Variants in GABRB2 observed in about 807,000 individuals in gnomAD.
GABRB2 encodes gamma-aminobutyric acid type A receptor subunit beta2.
Under a neutral mutation model 54.7 loss-of-function variants are expected in GABRB2, and 16 were observed. That is an observed-to-expected ratio of 0.29 (90% CI 0.20 to 0.44). The LOEUF (loss-of-function observed/expected upper bound fraction) is 0.44. Ranked by LOEUF, GABRB2 falls within the 20% of genes least tolerant of loss-of-function variation. The pLI, the probability that GABRB2 is intolerant of heterozygous loss-of-function variation, is 1.00. For missense variants in GABRB2, 355 were observed against 644.0 expected (o/e 0.55, Z 4.86); for synonymous variants, 244 against 233.8 (o/e 1.04, Z -0.40).
intron 5 of GABRB2, among the ~76,000 whole-genome samples, chr5:161,379,333 C>T (rs1755398103): frequency 2.0e-5 from 3 of 152,134 alleles, no homozygotes; most frequent in Admixed American, 1.3e-4. Flanking sequence ...GATGCAAACA[C>T]ACCTCCTTAA....
chr5:161,459,837 G>A lies in GABRB2; in HGVS notation c.245C>T (p.Thr82Ile). ...DMVSEVNMDY[T>I]LTMYFQQAWR... ...GGCTTGTTGAAAGTACATTGTCAAG[G>A]TATAATCCTGTAAATGTGAGAAAAA... The change falls in exon 4 of 10, where the codon ACC (threonine) becomes ATC (isoleucine). Residue 82 changes from threonine to isoleucine, a missense_variant. Thr to Ile is a moderately conservative substitution (Grantham distance 89, BLOSUM62 -1). Transcript: ENST00000393959. The A allele has an allele frequency of 6.2e-7, 1 of 1,602,332 alleles. No homozygotes were observed. Among genetic ancestry groups the A allele is most frequent in the African/African-American group, 1.3e-5 (1 of 74,652 alleles).
chr5:161,528,882 T>C (rs970417619), intron 3 of GABRB2, among the ~76,000 whole-genome samples: 2 of 151,928 alleles, frequency 1.3e-5, no homozygotes, highest in Non-Finnish European at 2.9e-5. Flanking sequence ...GTCTTTGAAT[T>C]GATCTTGAAA....
At chr5:161,430,154 G>C (rs995886516) in intron 4 of GABRB2, among the ~76,000 whole-genome samples, 2 of 151,732 alleles carry the variant, frequency 1.3e-5, no homozygotes, top group Admixed American at 1.3e-4. Flanking sequence ...AATTGAAACA[G>C]AGAGTTAGCT....
At chr5:161,432,283 A>C (rs758151893) in intron 4 of GABRB2, among the ~76,000 whole-genome samples, 1 of 152,224 alleles carries the variant, frequency 6.6e-6, no homozygotes, top group Non-Finnish European at 1.5e-5. Flanking sequence ...CCAAGGGCAG[A>C]ATCCTAACAA....
At chr5:161,516,417 A>ACTCAGGATGGGTGAG (rs1759950353) in intron 3 of GABRB2, among the ~76,000 whole-genome samples, 1 of 152,162 alleles carries the variant, frequency 6.6e-6, no homozygotes, top group Non-Finnish European at 1.5e-5. Flanking sequence ...GGATGGGTGA[A>ACTCAGGATGGGTGAG]TGAGTGCCTA....
intron 5 of GABRB2, among the ~76,000 whole-genome samples, chr5:161,409,607 C>T (rs532816976): frequency 6.6e-6 from 1 of 152,180 alleles, no homozygotes; most frequent in African/African-American, 2.4e-5. Context: ...TTCTCTCTGG[C>T]AGCATATATA....
chr5:161,349,635 T>C (rs1401495702), intron 5 of GABRB2, among the ~76,000 whole-genome samples: 1 of 152,124 alleles, frequency 6.6e-6, no homozygotes, highest in Non-Finnish European at 1.5e-5. Context: ...TGCAGCCTTT[T>C]TCTCTCATTC....
intron 5 of GABRB2, among the ~76,000 whole-genome samples, chr5:161,349,124 A>G (rs1368161404): frequency 1.3e-5 from 2 of 152,100 alleles, no homozygotes; most frequent in Non-Finnish European, 2.9e-5. Context: ...TTTCATCTCA[A>G]AAAACAGTTA....
intron 5 of GABRB2, among the ~76,000 whole-genome samples, chr5:161,374,225 T>C (rs1210581467): frequency 6.6e-6 from 1 of 152,232 alleles, no homozygotes; most frequent in Non-Finnish European, 1.5e-5. Context: ...ATTACAGGCA[T>C]GAGCCACCAC....
intron 4 of GABRB2, among the ~76,000 whole-genome samples, chr5:161,451,690 A>G (rs938337166): frequency 2.6e-5 from 4 of 152,174 alleles, no homozygotes; most frequent in Admixed American, 2.6e-4. Context: ...CCTATCATGG[A>G]TGAAGAATGA....
At chr5:161,342,359 C>CTATT (rs769157774) in intron 5 of GABRB2, among the ~76,000 whole-genome samples, 1 of 151,886 alleles carries the variant, frequency 6.6e-6, no homozygotes, top group Non-Finnish European at 1.5e-5. Flanking sequence ...TGTATAGTTA[C>CTATT]TATTATTAGT....
intron 3 of GABRB2, among the ~76,000 whole-genome samples, chr5:161,482,268 G>T (rs1711789724): frequency 6.6e-6 from 1 of 152,012 alleles, no homozygotes; most frequent in Admixed American, 6.6e-5. Context: ...CTACAAAGGA[G>T]ACCTACAAAA....
At chr5:161,483,059 G>T (rs1417587563) in intron 3 of GABRB2, among the ~76,000 whole-genome samples, 1 of 151,948 alleles carries the variant, frequency 6.6e-6, no homozygotes, top group Non-Finnish European at 1.5e-5. Context: ...TAATTTAATG[G>T]CTACCAATAA....
rs181016900 is a variant in GABRB2 at position 161,414,370 on chromosome 5, T to G, written c.459-3313A>C. ...TCATAAACTGTTATGCAACTTTTTT[T>G]ATAGTTATTACTACCTGCTAACGTG... On this transcript the variant is annotated intron_variant, in intron 4 of 9. Coordinates refer to ENST00000393959, the MANE Select transcript of GABRB2 (RefSeq NM_001371727.1). Among the ~76,000 whole-genome samples, 298 of 152,342 alleles carry G rather than the reference T, an allele frequency of 2.0e-3. 1 individual carries two copies. Among genetic ancestry groups the G allele is most frequent in the Non-Finnish European group, 3.2e-3 (218 of 68,034 alleles).
chr5:161,525,466 A>G (rs547919107), intron 3 of GABRB2, among the ~76,000 whole-genome samples: 8 of 151,280 alleles, frequency 5.3e-5, no homozygotes, highest in African/African-American at 1.2e-4. Flanking sequence ...TTTTCTCTGT[A>G]TTTTTTACAA....
At position 161,436,531 on chromosome 5, in the gene GABRB2, GA is replaced by G. The variant is rs35559735; in HGVS notation, c.458+23092del. On this transcript the variant is annotated intron_variant, in intron 4 of 9. Coordinates refer to ENST00000393959, the MANE Select transcript of GABRB2 (RefSeq NM_001371727.1). ...CTGGGTGACAGAGCAAGACGCTGTCGAAAAAAAAAAAAAAGAGAGAGAATGA... is the reference window on the plus strand; with the variant it reads ...CTGGGTGACAGAGCAAGACGCTGTCGAAAAAAAAAAAAAGAGAGAGAATGA... Among the ~76,000 whole-genome samples, 318 of 124,390 alleles carry G rather than the reference GA, an allele frequency of 2.6e-3. 2 individuals are homozygous for G. The highest frequency in any genetic ancestry group is 5.8e-3 in the South Asian group (22 of 3,808). 81.6% of individuals were successfully genotyped at this position (124,390 alleles called of 152,430 possible). A position where few individuals can be genotyped will look rare whatever the true frequency, so the allele number is the denominator to read the frequency against.
At chr5:161,389,423 A>C (rs1755748794) in intron 5 of GABRB2, among the ~76,000 whole-genome samples, 1 of 152,098 alleles carries the variant, frequency 6.6e-6, no homozygotes, top group Non-Finnish European at 1.5e-5. Flanking sequence ...GTACTGAAGC[A>C]TAAGCAATTT....
rs1394904437 is a variant in GABRB2 at position 161,350,187 on chromosome 5, T to G, written c.542-13418A>C. On this transcript the variant is annotated intron_variant, in intron 5 of 9. Coordinates refer to ENST00000393959, the MANE Select transcript of GABRB2 (RefSeq NM_001371727.1). Reference sequence around the variant, plus strand: ...TCCACTCTTGTCCCTTCTATTCAACTGGAAGTCATAGAGCAATTAGGCAAG... The same window carrying G: ...TCCACTCTTGTCCCTTCTATTCAACGGGAAGTCATAGAGCAATTAGGCAAG... Among the ~76,000 whole-genome samples the G allele has an allele frequency of 3.3e-5, 5 of 152,058 alleles. No homozygotes were observed. The East Asian group carries it at 9.7e-4, about 29-fold the overall frequency.
chr5:161,454,629 T>C (rs1409960603), intron 4 of GABRB2, among the ~76,000 whole-genome samples: 1 of 152,192 alleles, frequency 6.6e-6, no homozygotes. Context: ...ACTGTGCTAC[T>C]CCAACTATAT....
Sources: gnomAD v4.1 joint callset for allele counts (sites outside exome capture counted in the v4.1 genomes callset) on GRCh38, gnomAD v4.1.1 for gene constraint, MANE v1.5 for transcripts, NCBI Gene and HGNC (gene_info 2026-07-23, HGNC 2026-07-21) for gene names.